The following WDR25 variants were observed in gnomAD, a reference collection of about 807,000 sequenced individuals.
WDR25 encodes the protein WD repeat-containing protein 25.
In WDR25, 35 loss-of-function variants were observed where a neutral mutation model predicts 47.7. The ratio of observed to expected loss-of-function variants is 0.73; its 90% CI spans 0.56 to 0.97. WDR25 has a LOEUF of 0.97. WDR25 is among the 50% of genes least tolerant of loss of function. The pLI is 0.00. For synonymous variants in WDR25, 248 were observed against 278.9 expected (o/e 0.89, Z 1.10); for missense variants, 634 against 704.7 (o/e 0.90, Z 1.14).
At chr14:100,527,065 T>C (rs2030206910) in intron 5 of WDR25, among the ~76,000 whole-genome samples, 1 of 142,996 alleles carries the variant, frequency 7.0e-6, no homozygotes, top group Non-Finnish European at 1.5e-5. Context: ...ACCATCTCCG[T>C]CACTACCACC....
In WDR25 at chr14:100,388,566, G is replaced by A. The variant is rs756681099; in HGVS notation, c.822+6820G>A. Among the ~76,000 whole-genome samples the A allele has an allele frequency of 1.1e-3, 164 of 152,354 alleles. 1 individual carries two copies. The highest frequency in any genetic ancestry group is 1.4e-3 in the Non-Finnish European group (92 of 68,034). Reference sequence around the variant, plus strand: ...GCCGAGCCTCTGGGAAGAGCCATGAGATTCTGAGCTGGAATCTTCTCTTCG... The same window carrying A: ...GCCGAGCCTCTGGGAAGAGCCATGAAATTCTGAGCTGGAATCTTCTCTTCG... On this transcript the variant is annotated intron_variant, in intron 2 of 6. Coordinates refer to ENST00000402312, the MANE Select transcript of WDR25 (RefSeq NM_001161476.3).
At chr14:100,429,639 C>T (rs774044519) in intron 2 of WDR25, among the ~76,000 whole-genome samples, 4 of 152,088 alleles carry the variant, frequency 2.6e-5, no homozygotes, top group Non-Finnish European at 4.4e-5. Context: ...ACTGAGTGGC[C>T]CACACAATAG....
rs775806248 is a variant in WDR25 at position 100,468,217 on chromosome 14, T to C, written c.970+49T>C. 1.9e-6 allele frequency: 3 copies of C among 1,581,454 alleles called. No homozygotes were observed. In the African/African-American group the frequency reaches 4.0e-5, roughly 21 times the overall value. ...TGAGGTGAGCTGGCAGCTCTCTCCC[T>C]GGGGAAGGTTCTCTGGTGGGCACGC... On this transcript the variant is annotated intron_variant, in intron 3 of 6. Transcript: ENST00000402312. This position sits in a 1 kb window ranked among gnomAD's most constrained non-coding sequence, Gnocchi z 4.5.
chr14:100,399,518 C>G (rs1338851844), intron 2 of WDR25, among the ~76,000 whole-genome samples: 1 of 152,164 alleles, frequency 6.6e-6, no homozygotes, highest in Non-Finnish European at 1.5e-5. Flanking sequence ...TGCATTTCCT[C>G]CTTTCCGTCC....
At chr14:100,386,427 T>C (rs1897019336) in intron 2 of WDR25, among the ~76,000 whole-genome samples, 1 of 152,266 alleles carries the variant, frequency 6.6e-6, no homozygotes, top group Admixed American at 6.5e-5. Flanking sequence ...TTCTACCTTA[T>C]TAAAAACTTT....
intron 4 of WDR25, among the ~76,000 whole-genome samples, chr14:100,517,113 T>G (rs1185236107): frequency 7.0e-6 from 1 of 142,782 alleles, no homozygotes; most frequent in East Asian, 2.0e-4. Flanking sequence ...TCTGTTTTTT[T>G]TTTTTTTTTT....
chr14:100,493,815 G>A (rs1459642596), intron 4 of WDR25, among the ~76,000 whole-genome samples: 1 of 152,164 alleles, frequency 6.6e-6, no homozygotes, highest in African/African-American at 2.4e-5. Flanking sequence ...TCATTGGGTG[G>A]TAATTAGGAC....
At chr14:100,464,431 C>G (rs538946319) in intron 2 of WDR25, among the ~76,000 whole-genome samples, 1 of 152,206 alleles carries the variant, frequency 6.6e-6, no homozygotes, top group Non-Finnish European at 1.5e-5. Flanking sequence ...CTGTCTCCCT[C>G]ACTAGAATAT....
intron 2 of WDR25, among the ~76,000 whole-genome samples, chr14:100,412,278 C>T (rs954835065): frequency 3.3e-5 from 5 of 150,068 alleles, no homozygotes; most frequent in East Asian, 1.9e-4. Context: ...ATAGTATTGA[C>T]GTGTTTGGTT....
chr14:100,405,822 AAG>A (rs1897519698), intron 2 of WDR25, among the ~76,000 whole-genome samples: 1 of 152,174 alleles, frequency 6.6e-6, no homozygotes, highest in Non-Finnish European at 1.5e-5. Context: ...ATTAGTGCTT[AAG>A]AAACGCCACT....
intron 1 of WDR25, 157 bp downstream of exon 1, chr14:100,376,652 C>A: frequency 8.1e-7 from 1 of 1,231,820 alleles, no homozygotes; most frequent in Non-Finnish European, 1.0e-6. Flanking sequence ...AACCTTACTT[C>A]TTACTATTGA....
intron 3 of WDR25, among the ~76,000 whole-genome samples, chr14:100,481,549 G>T (rs753919913): frequency 3.3e-5 from 5 of 151,520 alleles, no homozygotes; most frequent in Non-Finnish European, 4.4e-5. Context: ...TGTCTCGGGT[G>T]TCAGCTTAAC....
intron 2 of WDR25, among the ~76,000 whole-genome samples, chr14:100,388,669 T>C (rs1897072134): frequency 6.6e-6 from 1 of 152,228 alleles, no homozygotes; most frequent in African/African-American, 2.4e-5. Flanking sequence ...AAATGAGACA[T>C]TTCCCAGTTC....
Position 100,482,672 on chromosome 14 carries a change from G to T in WDR25, c.971-1322G>T, listed in dbSNP as rs1338391687. Reference sequence around the variant, plus strand: ...TTTCATTTCCACACCTGGTGAGCTGGTAGAGCCCTTCACTAATGTGTGGGG... The same window carrying T: ...TTTCATTTCCACACCTGGTGAGCTGTTAGAGCCCTTCACTAATGTGTGGGG... On this transcript the variant is annotated intron_variant, in intron 3 of 6. Coordinates refer to ENST00000402312, the MANE Select transcript of WDR25 (RefSeq NM_001161476.3). Among the ~76,000 whole-genome samples, 4 of 152,298 alleles carry T rather than the reference G, an allele frequency of 2.6e-5. No homozygotes were observed. The East Asian group carries it at 7.7e-4, about 29-fold the overall frequency.
At chr14:100,413,542 T>G (rs1595513963) in intron 2 of WDR25, among the ~76,000 whole-genome samples, 2 of 151,688 alleles carry the variant, frequency 1.3e-5, no homozygotes, top group Non-Finnish European at 2.9e-5. Flanking sequence ...GCCTCCCGAG[T>G]AGCTGGGACT....
At position 100,529,823 on chromosome 14, in the gene WDR25, G is replaced by A. The variant is rs779866156; in HGVS notation, c.1417G>A (p.Glu473Lys). The change falls in exon 7 of 7, where the codon GAG (glutamate) becomes AAG (lysine). Residue 473 changes from glutamate (E) to lysine (K), a missense_variant. Physicochemically the swap from Glu to Lys is moderately conservative, Grantham distance 56 (BLOSUM62 1). Coordinates refer to ENST00000402312, the MANE Select transcript of WDR25 (RefSeq NM_001161476.3). The surrounding 1 kb of genome is among the most constrained non-coding windows in gnomAD (Gnocchi z 5.1). ...RRRRYEGHKV[E>K]GYSVGCECSP... Reference sequence around the variant, plus strand: ...CCCACTGTGTCCCTCTCTGCAGGTGGAGGGCTACTCAGTGGGCTGCGAGTG... The same window carrying A: ...CCCACTGTGTCCCTCTCTGCAGGTGAAGGGCTACTCAGTGGGCTGCGAGTG... The A allele has an allele frequency of 1.9e-6, 3 of 1,611,450 alleles. No individual in the cohort carries two copies. The highest frequency in any genetic ancestry group is 1.3e-5 in the African/African-American group (1 of 74,902).
In WDR25 at chr14:100,429,120, A is replaced by T. The variant is rs576755000; in HGVS notation, c.823-38901A>T. ...TTTGTGTTTTGTCCCCCGGGTTTTG[A>T]TCTAGGCTGCAGAACAGGACCTGTC... On this transcript the variant is annotated intron_variant, in intron 2 of 6. Transcript: ENST00000402312. Among the ~76,000 whole-genome samples, 12 of 152,266 alleles carry T rather than the reference A, an allele frequency of 7.9e-5. No homozygotes were observed. The East Asian group carries it at 1.9e-3, about 24-fold the overall frequency.
At chr14:100,427,710 A>G (rs1389894383) in intron 2 of WDR25, among the ~76,000 whole-genome samples, 1 of 152,262 alleles carries the variant, frequency 6.6e-6, no homozygotes, top group Non-Finnish European at 1.5e-5. Flanking sequence ...GTTTTAAGGT[A>G]CAAATTCAGG....
chr14:100,481,198 T>C, intron 3 of WDR25: 1 of 486,624 alleles, frequency 2.1e-6, no homozygotes, highest in Non-Finnish European at 4.1e-6. Context: ...TAGAGTTACC[T>C]GCAGAAAATG....
Sources: allele counts gnomAD v4.1 joint callset (sites outside exome capture counted in the v4.1 genomes callset), GRCh38; gene constraint gnomAD v4.1.1; non-coding constraint Gnocchi (gnomAD v3.1); transcripts MANE v1.5; gene names NCBI Gene and HGNC (gene_info 2026-07-23, HGNC 2026-07-21).